The following TULP4 variants were observed in gnomAD, a reference collection of about 807,000 sequenced individuals.
The protein encoded by TULP4 is tubby-related protein 4.
TULP4 carries 16 observed loss-of-function variants against 129.0 expected under a neutral mutation model. The observed-to-expected ratio is 0.12, with a 90% CI of 0.08 to 0.19. The LOEUF (loss-of-function observed/expected upper bound fraction) is 0.19. Among genes scored for constraint, TULP4 ranks in the 10% least tolerant of loss-of-function variants. The probability of loss-of-function intolerance (pLI) is 1.00; values close to 1 mark genes in which losing one functional copy is unlikely to be tolerated. For synonymous variants in TULP4, 998 were observed against 854.0 expected (o/e 1.17, Z -2.94); for missense variants, 1,842 against 2,059.1 (o/e 0.89, Z 2.04).
intron 2 of TULP4, among the ~76,000 whole-genome samples, chr6:158,421,204 A>T (rs1391183334): frequency 6.6e-6 from 1 of 151,820 alleles, no homozygotes. Flanking sequence ...TACTAAAAAT[A>T]CAAAAAAATT....
intron 1 of TULP4, among the ~76,000 whole-genome samples, chr6:158,365,053 C>T (rs1213784512): frequency 1.3e-5 from 2 of 151,742 alleles, no homozygotes; most frequent in African/African-American, 2.4e-5. Context: ...TGTTTTTATC[C>T]AGTCTCTGCT....
intron 1 of TULP4, among the ~76,000 whole-genome samples, chr6:158,286,141 G>A (rs1406552816): frequency 6.6e-6 from 1 of 152,132 alleles, no homozygotes; most frequent in African/African-American, 2.4e-5. Flanking sequence ...ATTATCTGTT[G>A]CAATTCATTC....
intron 1 of TULP4, among the ~76,000 whole-genome samples, chr6:158,394,566 G>A (rs775430078): frequency 2.0e-5 from 3 of 151,646 alleles, no homozygotes; most frequent in Non-Finnish European, 2.9e-5. Context: ...GGCAGATCAC[G>A]AAGTCAGGAG....
chr6:158,326,111 G>A (rs1400463976), intron 1 of TULP4, among the ~76,000 whole-genome samples: 4 of 152,040 alleles, frequency 2.6e-5, no homozygotes, highest in Non-Finnish European at 5.9e-5. Context: ...TTATTATTCA[G>A]TGTTTACACT....
chr6:158,289,592 G>GT (rs1168257777), intron 1 of TULP4, among the ~76,000 whole-genome samples: 1 of 151,724 alleles, frequency 6.6e-6, no homozygotes, highest in Admixed American at 6.6e-5. Flanking sequence ...GTTTTGTTTT[G>GT]TTTTTTGAGA....
chr6:158,391,989 C>T (rs555440480), intron 1 of TULP4, among the ~76,000 whole-genome samples: 5 of 152,246 alleles, frequency 3.3e-5, no homozygotes, highest in South Asian at 2.1e-4. Context: ...TCCATTTTCA[C>T]GCTGTTAAAT....
chr6:158,431,502 G>A (rs982605228), intron 3 of TULP4, among the ~76,000 whole-genome samples: 11 of 152,238 alleles, frequency 7.2e-5, no homozygotes, highest in Admixed American at 1.3e-4. Flanking sequence ...GACCCACTGG[G>A]GATACAGCAG....
intron 2 of TULP4, among the ~76,000 whole-genome samples, chr6:158,425,108 C>A (rs528865797): frequency 1.7e-5 from 2 of 118,912 alleles, no homozygotes; most frequent in African/African-American, 3.2e-5. Context: ...GAGCTGAGAT[C>A]GTGCCACTGG....
rs564277130 is a variant in TULP4 at position 158,462,434 on chromosome 6, C to T, written c.1026+705C>T. On this transcript the variant is annotated intron_variant, in intron 6 of 13. Transcript: ENST00000367097. ...TCTCACCCAGGCTGGAGTGCCGTAG[C>T]GCATTCTTGGCTCACTGCAAGCTCT... Among the ~76,000 whole-genome samples the T allele has an allele frequency of 4.0e-5, 6 of 149,940 alleles. No individual in the cohort carries two copies. In the South Asian group the frequency reaches 8.5e-4, roughly 21 times the overall value.
rs1205864524 is a variant in TULP4, at chr6:158,507,838, T to G, written c.*1144T>G. On this transcript the variant is annotated 3_prime_UTR_variant, in exon 14 of 14. Transcript: ENST00000367097. Reference sequence around the variant, plus strand: ...CAAATGCTTTCTATCAAATTAGAAATGTAACCAAAAAAATGTTAAGTGTTC... The same window carrying G: ...CAAATGCTTTCTATCAAATTAGAAAGGTAACCAAAAAAATGTTAAGTGTTC... 1 of 152,152 alleles carries G rather than the reference T, an allele frequency of 6.6e-6. No homozygotes were observed. The highest frequency in any genetic ancestry group is 1.5e-5 in the Non-Finnish European group (1 of 68,026). 9.4% of individuals were successfully genotyped at this position (152,152 alleles called of 1,614,324 possible).
chr6:158,437,219 A>G lies in TULP4; in HGVS notation c.543+7322A>G, dbSNP rs973382077. On this transcript the variant is annotated intron_variant, in intron 3 of 13. Transcript: ENST00000367097. The stretch of plus-strand genomic sequence containing the variant: ...GTAGTTAGTGTAACAGGATTATTTA[A>G]AAGAATATTTTAGTACAGAATTTTT... Among the ~76,000 whole-genome samples the G allele has an allele frequency of 3.3e-5, 5 of 152,358 alleles. No homozygotes were observed. In the South Asian group the frequency reaches 1.0e-3, roughly 32 times the overall value.
chr6:158,360,079 CCT>C (rs1780748095), intron 1 of TULP4, among the ~76,000 whole-genome samples: 1 of 151,918 alleles, frequency 6.6e-6, no homozygotes, highest in African/African-American at 2.4e-5. Context: ...AGCCTTCCCC[CCT>C]TCCCTTTTAT....
chr6:158,240,717 C>T lies in TULP4; in HGVS notation n.68+8414C>T, dbSNP rs560622794. 1.4e-4 allele frequency among the ~76,000 whole-genome samples: 18 copies of T among 128,298 alleles called. 1 individual carries two copies. Among genetic ancestry groups the T allele is most frequent in the African/African-American group, 4.7e-4 (18 of 38,560 alleles). 84.2% of individuals were successfully genotyped at this position (128,298 alleles called of 152,430 possible). ...GGGGGCTGACCCCCCCCACCTCCCT[C>T]CCGGACGGGGCGGCTGGCCGGGCGG... On this transcript the variant is annotated intron_variant and non_coding_transcript_variant, in intron 1 of 1. Transcript: ENST00000620026.
intron 1 of TULP4, among the ~76,000 whole-genome samples, chr6:158,389,731 T>C (rs1182918115): frequency 1.3e-5 from 2 of 152,134 alleles, no homozygotes; most frequent in African/African-American, 2.4e-5. Flanking sequence ...TGTGTTCTCA[T>C]TGTGGACTTG....
chr6:158,288,570 G>A (rs570348841), intron 1 of TULP4, among the ~76,000 whole-genome samples: 2 of 151,618 alleles, frequency 1.3e-5, no homozygotes, highest in East Asian at 1.9e-4. Context: ...GCGTGATCTC[G>A]GCTCACTGCA....
chr6:158,476,954 G>A (rs1779834962), intron 6 of TULP4, among the ~76,000 whole-genome samples: 1 of 152,246 alleles, frequency 6.6e-6, no homozygotes, highest in Admixed American at 6.5e-5. Context: ...CTATAACAAG[G>A]TACCTAGCCT....
intron 6 of TULP4, among the ~76,000 whole-genome samples, chr6:158,478,002 A>G (rs1045765487): frequency 6.6e-6 from 1 of 152,244 alleles, no homozygotes; most frequent in African/African-American, 2.4e-5. Context: ...AAACTAACGT[A>G]GGAACAAAAA....
At chr6:158,252,767 C>T (rs1298826203) in intron 1 of TULP4, among the ~76,000 whole-genome samples, 1 of 152,106 alleles carries the variant, frequency 6.6e-6, no homozygotes, top group Non-Finnish European at 1.5e-5. Context: ...CAGATTTTGC[C>T]AGTTTTTTCT....
chr6:158,429,110 G>A (rs1455555095), intron 2 of TULP4, among the ~76,000 whole-genome samples: 1 of 152,158 alleles, frequency 6.6e-6, no homozygotes. Flanking sequence ...AGCCTCCTGA[G>A]TAGCTAAGAC....
Sources: gnomAD v4.1 joint callset for allele counts (sites outside exome capture counted in the v4.1 genomes callset) on GRCh38, gnomAD v4.1.1 for gene constraint, MANE v1.5 for transcripts, NCBI Gene and HGNC (gene_info 2026-07-23, HGNC 2026-07-21) for gene names.